Variants in IL17RD observed in about 807,000 individuals in gnomAD.
IL17RD encodes the protein interleukin-17 receptor D.
A neutral mutation model predicts 80.5 loss-of-function variants in IL17RD; 52 were observed. The observed-to-expected ratio is 0.65, with a 90% confidence interval of 0.52 to 0.81. IL17RD has a LOEUF of 0.81. IL17RD is among the 40% of genes least tolerant of loss of function. The pLI is 0.00. For missense variants in IL17RD, 1,024 were observed against 955.1 expected (o/e 1.07, Z -0.95); for synonymous variants, 416 against 391.8 (o/e 1.06, Z -0.73).
intron 2 of IL17RD, among the ~76,000 whole-genome samples, chr3:57,117,311 A>G (rs946446023): frequency 6.6e-6 from 1 of 151,968 alleles, no homozygotes; most frequent in Non-Finnish European, 1.5e-5. Flanking sequence ...ACAGAGTTTC[A>G]CCTTATTGGT....
At chr3:57,103,180 A>T (rs748785522) in intron 8 of IL17RD, 35 bp from the exon 9 acceptor site, 69 of 1,509,348 alleles carry the variant, frequency 4.6e-5, no homozygotes, top group Non-Finnish European at 5.4e-5. Context: ...ATTTTTTTTT[A>T]AAGTGATATA....
chr3:57,166,092 G>T (rs188681780), upstream of IL17RD, among the ~76,000 whole-genome samples: 3 of 152,280 alleles, frequency 2.0e-5, no homozygotes, highest in African/African-American at 7.2e-5. Context: ...CTCATGAAGT[G>T]GATATTATTT....
intron 1 of IL17RD, among the ~76,000 whole-genome samples, chr3:57,122,773 A>T (rs1707369632): frequency 8.2e-6 from 1 of 121,434 alleles, no homozygotes. Flanking sequence ...AAGAATTTAC[A>T]TGGCTTTCCT....
At chr3:57,109,983 C>T (rs532295826) in intron 4 of IL17RD, among the ~76,000 whole-genome samples, 219 of 152,344 alleles carry the variant, frequency 1.4e-3, no homozygotes, top group Middle Eastern at 3.4e-3. Flanking sequence ...CCAGCAGTAA[C>T]CCGAGAGGCA....
At chr3:57,110,688 G>A (rs1377625099) in intron 3 of IL17RD, among the ~76,000 whole-genome samples, 1 of 152,216 alleles carries the variant, frequency 6.6e-6, no homozygotes, top group African/African-American at 2.4e-5. Context: ...ATAATTTCCA[G>A]TGTTGACTAG....
Position 57,101,405 on chromosome 3 carries a change from G to A in IL17RD, c.980-42C>T, listed in dbSNP as rs1000488788. ...GATAAGGTTGATACTTGCAAGCAAC[G>A]CTTTGTTCTATTTCCTAAGAATTGA... On this transcript the variant is annotated intron_variant, in intron 10 of 12. Coordinates refer to ENST00000296318, the MANE Select transcript of IL17RD (RefSeq NM_017563.5). The A allele has an allele frequency of 3.8e-6, 5 of 1,317,312 alleles. No individual in the cohort carries two copies. In the African/African-American group the frequency reaches 5.9e-5, roughly 16 times the overall value. 81.6% of individuals were successfully genotyped at this position (1,317,312 alleles called of 1,614,324 possible).
At chr3:57,130,484 C>G (rs1707582690) in intron 1 of IL17RD, among the ~76,000 whole-genome samples, 2 of 152,206 alleles carry the variant, frequency 1.3e-5, no homozygotes, top group African/African-American at 4.8e-5. Context: ...TTCATTCTGA[C>G]TAGAATGTTC....
Position 57,106,071 on chromosome 3 carries a change from A to G in IL17RD, c.595+39T>C, listed in dbSNP as rs749518960. ...CTACCCTAACACCATCATAGTGGCG[A>G]TACTTTGAGACTTGATAGATAAGAA... On this transcript the variant is annotated intron_variant, in intron 6 of 12. Transcript: ENST00000296318. 2.5e-6 allele frequency: 4 copies of G among 1,610,088 alleles called. No individual in the cohort carries two copies. In the South Asian group the frequency reaches 3.3e-5, roughly 13 times the overall value.
In IL17RD at chr3:57,122,650, G is replaced by A. The variant is rs1392602178; in HGVS notation, c.127-2337C>T. ...TCCCCTACTGACCCCCCAGTGCATG[G>A]AAAAATTGTCTTCCACGAAACTAGT... is the stretch of plus-strand genomic sequence containing the variant. On this transcript the variant is annotated intron_variant, in intron 1 of 12. Coordinates refer to ENST00000296318, the MANE Select transcript of IL17RD (RefSeq NM_017563.5). 2.0e-5 allele frequency among the ~76,000 whole-genome samples: 3 copies of A among 151,578 alleles called. No homozygotes were observed. In the South Asian group the frequency reaches 6.3e-4, roughly 32 times the overall value.
intron 1 of IL17RD, among the ~76,000 whole-genome samples, chr3:57,125,578 A>C (rs1001994165): frequency 6.6e-6 from 1 of 152,320 alleles, no homozygotes; most frequent in East Asian, 1.9e-4. Flanking sequence ...GTACTGCAGG[A>C]CAAGTTACAA....
chr3:57,103,696 A>AC (rs1357018946), intron 8 of IL17RD, among the ~76,000 whole-genome samples: 7 of 152,220 alleles, frequency 4.6e-5, no homozygotes, highest in Non-Finnish European at 7.3e-5. Flanking sequence ...AATCTTAAAA[A>AC]GGAAATGAAA....
intron 1 of IL17RD, among the ~76,000 whole-genome samples, chr3:57,146,075 G>GCA (rs140576019): frequency 9.2e-5 from 14 of 151,850 alleles, no homozygotes; most frequent in African/African-American, 2.4e-4. Context: ...GCATGCACGT[G>GCA]CACACACACA....
intron 1 of IL17RD, among the ~76,000 whole-genome samples, chr3:57,140,458 GAA>G (rs1707808079): frequency 1.3e-5 from 2 of 152,116 alleles, no homozygotes; most frequent in African/African-American, 4.8e-5. Flanking sequence ...CAAAGTTATC[GAA>G]TTAGATTTCA....
At chr3:57,163,167 T>C (rs1203535910) in intron 1 of IL17RD, among the ~76,000 whole-genome samples, 1 of 152,112 alleles carries the variant, frequency 6.6e-6, no homozygotes, top group Non-Finnish European at 1.5e-5. Context: ...TGTATCAGCC[T>C]GGATGAGCCT....
intron 7 of IL17RD, among the ~76,000 whole-genome samples, chr3:57,104,695 C>G (rs138243889): frequency 6.6e-6 from 1 of 152,168 alleles, no homozygotes; most frequent in Non-Finnish European, 1.5e-5. Context: ...TTTGAACAAC[C>G]TTTACTTAAT....
chr3:57,165,481 T>TTG, upstream of IL17RD: 2 of 281,882 alleles, frequency 7.1e-6, no homozygotes, highest in Non-Finnish European at 1.1e-5. Flanking sequence ...GGCCCTCCAG[T>TTG]TGTGGCCCTG....
intron 1 of IL17RD, among the ~76,000 whole-genome samples, chr3:57,155,634 A>G (rs1474992175): frequency 6.6e-6 from 1 of 152,132 alleles, no homozygotes; most frequent in Non-Finnish European, 1.5e-5. Flanking sequence ...TGTGTTGCCC[A>G]GGCTGGAGTA....
intron 1 of IL17RD, among the ~76,000 whole-genome samples, chr3:57,159,242 G>C (rs1437849517): frequency 1.3e-5 from 2 of 151,892 alleles, no homozygotes; most frequent in African/African-American, 4.8e-5. Flanking sequence ...TTCCCCCCTT[G>C]GATTTGTTTC....
At chr3:57,153,720 T>A (rs190090958) in intron 1 of IL17RD, among the ~76,000 whole-genome samples, 54 of 152,336 alleles carry the variant, frequency 3.5e-4, no homozygotes, top group Admixed American at 1.6e-3. Context: ...ATACAAAGGA[T>A]GGGAGAAAGA....
Sources: gnomAD v4.1 joint callset for allele counts (sites outside exome capture counted in the v4.1 genomes callset) on GRCh38, gnomAD v4.1.1 for gene constraint, MANE v1.5 for transcripts, NCBI Gene and HGNC (gene_info 2026-07-23, HGNC 2026-07-21) for gene names.